The following ARNT2 variants were observed in gnomAD, a reference collection of about 807,000 sequenced individuals.
The protein encoded by ARNT2 is aryl hydrocarbon receptor nuclear translocator 2.
A neutral mutation model predicts 91.7 loss-of-function variants in ARNT2; 36 were observed. That is an observed-to-expected ratio of 0.39 (90% CI 0.30 to 0.52). The LOEUF is 0.52. ARNT2 is among the 20% of genes least tolerant of loss of function. The pLI is 0.72. For missense variants in ARNT2, 775 were observed against 939.3 expected (o/e 0.83, Z 2.29); for synonymous variants, 365 against 347.1 (o/e 1.05, Z -0.57).
At chr15:80,431,293 G>A (rs1211343356) in intron 1 of ARNT2, among the ~76,000 whole-genome samples, 8 of 152,166 alleles carry the variant, frequency 5.3e-5, no homozygotes, top group East Asian at 1.9e-4. Context: ...CACTGGGACC[G>A]TGGCAGTGGG....
At chr15:80,498,136 C>G (rs913249142) in intron 5 of ARNT2, among the ~76,000 whole-genome samples, 7 of 152,190 alleles carry the variant, frequency 4.6e-5, no homozygotes, top group African/African-American at 1.7e-4. Context: ...CTCCCTGTTA[C>G]TAAACTGGAA....
chr15:80,580,665 C>T lies in ARNT2; in HGVS notation c.1752+116C>T, dbSNP rs1185818910. 6 of 1,367,298 alleles carry T rather than the reference C, an allele frequency of 4.4e-6. No individual in the cohort carries two copies. The Admixed American group carries it at 1.0e-4, about 23-fold the overall frequency. The allele number at this position is 1,367,298 out of a possible 1,614,324, so 84.7% of individuals were successfully genotyped here. On this transcript the variant is annotated intron_variant, in intron 16 of 18. Coordinates refer to ENST00000303329, the MANE Select transcript of ARNT2 (RefSeq NM_014862.4). ...GGGTCGGCTCCTAGCTGGAACCAAC[C>T]ACCCTAACAGCAGCTGGCTACTCAG...
chr15:80,499,389 C>CCTCTTCTGTCAAAGAGT (rs1897162165), intron 5 of ARNT2, among the ~76,000 whole-genome samples: 1 of 152,176 alleles, frequency 6.6e-6, no homozygotes, highest in African/African-American at 2.4e-5. Flanking sequence ...AGAGTTAATT[C>CCTCTTCTGTCAAAGAGT]CCTTGTCCTT....
At chr15:80,472,773 A>G (rs1896748971) in intron 4 of ARNT2, among the ~76,000 whole-genome samples, 1 of 152,238 alleles carries the variant, frequency 6.6e-6, no homozygotes. Flanking sequence ...ACTGTTTAAC[A>G]TGGGCCTGAG....
At position 80,509,493 on chromosome 15, in the gene ARNT2, C is replaced by T. The variant is rs146899131; in HGVS notation, c.725+1235C>T. On this transcript the variant is annotated intron_variant, in intron 6 of 18. Transcript: ENST00000303329. ...AATAATAATAATAAAGCAAACAAAA[C>T]CCCTGCCTGCATAGAATTCATTTTA... 1.6e-3 allele frequency among the ~76,000 whole-genome samples: 238 copies of T among 151,876 alleles called. 3 individuals are homozygous for T. The East Asian group carries it at 0.02, about 13-fold the overall frequency.
intron 1 of ARNT2, among the ~76,000 whole-genome samples, chr15:80,407,429 C>T (rs544458598): frequency 6.6e-6 from 1 of 152,150 alleles, no homozygotes; most frequent in Non-Finnish European, 1.5e-5. Flanking sequence ...TCAAGGTCCC[C>T]TGTTGGGGTT....
intron 1 of ARNT2, among the ~76,000 whole-genome samples, chr15:80,435,752 A>C (rs1049138533): frequency 2.6e-5 from 4 of 152,198 alleles, no homozygotes; most frequent in Non-Finnish European, 5.9e-5. Context: ...TTTGCACCTG[A>C]ATAATTGAGA....
intron 1 of ARNT2, among the ~76,000 whole-genome samples, chr15:80,419,910 G>T (rs920431220): frequency 6.6e-6 from 1 of 152,208 alleles, no homozygotes; most frequent in Non-Finnish European, 1.5e-5. Context: ...TCACCAGAGG[G>T]TCTTAGGATA....
chr15:80,570,286 A>T (rs1898562192), intron 12 of ARNT2, among the ~76,000 whole-genome samples: 1 of 152,138 alleles, frequency 6.6e-6, no homozygotes, highest in Non-Finnish European at 1.5e-5. Context: ...CCCATAGTTC[A>T]CACCCTGGAC....
chr15:80,584,265 C>A (rs1898851730), intron 17 of ARNT2, among the ~76,000 whole-genome samples: 1 of 152,132 alleles, frequency 6.6e-6, no homozygotes, highest in Non-Finnish European at 1.5e-5. Context: ...GGGTTCACAT[C>A]AGAGGTGTAG....
chr15:80,506,780 C>T (rs1897281310), intron 5 of ARNT2, among the ~76,000 whole-genome samples: 1 of 152,182 alleles, frequency 6.6e-6, no homozygotes, highest in African/African-American at 2.4e-5. Flanking sequence ...GGCCAAGGCC[C>T]AGCCCTGAGA....
rs1893385701 is a variant in ARNT2, at chr15:80,597,091, T to A, written c.*3393T>A. On this transcript the variant is annotated 3_prime_UTR_variant, in exon 19 of 19. Coordinates refer to ENST00000303329, the MANE Select transcript of ARNT2 (RefSeq NM_014862.4). Reference sequence around the variant, plus strand: ...TGTTAAGGAACTTACACTGGGGAGCTTTACTCTTCCGTGTCAACAATGTGA... The same window carrying A: ...TGTTAAGGAACTTACACTGGGGAGCATTACTCTTCCGTGTCAACAATGTGA... 1 of 514,282 alleles carries A rather than the reference T, an allele frequency of 1.9e-6. No individual in the cohort carries two copies. The highest frequency in any genetic ancestry group is 3.9e-6 in the Non-Finnish European group (1 of 257,032). The allele number at this position is 514,282 out of a possible 1,614,324, so 31.9% of individuals were successfully genotyped here.
At chr15:80,554,181 G>T (rs1440179921) in intron 10 of ARNT2, among the ~76,000 whole-genome samples, 1 of 152,230 alleles carries the variant, frequency 6.6e-6, no homozygotes, top group African/African-American at 2.4e-5. Context: ...GGCCAAGGCA[G>T]GTGGATCACT....
chr15:80,581,381 T>A lies in ARNT2; in HGVS notation c.1895T>A (p.Leu632His), dbSNP rs752647199. Residue 632 changes from leucine (L) to histidine (H), a missense_variant, in exon 17 of 19, where the codon CTT (leucine) becomes CAT (histidine). Physicochemically the swap from Leu to His is moderately conservative, Grantham distance 99. Coordinates refer to ENST00000303329, the MANE Select transcript of ARNT2 (RefSeq NM_014862.4). Reference sequence around the variant, plus strand: ...CCAAGTGGGAATGCCTACTCCAGTCTTGCCAACAGGACTCCAGGGTTCGGT... The same window carrying A: ...CCAAGTGGGAATGCCTACTCCAGTCATGCCAACAGGACTCCAGGGTTCGGT... ...SSPSGNAYSS[L>H]ANRTPGFAES... The A allele has an allele frequency of 2.5e-6, 4 of 1,614,006 alleles. No individual in the cohort carries two copies. The African/African-American group carries it at 5.3e-5, about 22-fold the overall frequency.
At chr15:80,573,638 C>A (rs1392263565) in intron 12 of ARNT2, among the ~76,000 whole-genome samples, 1 of 152,168 alleles carries the variant, frequency 6.6e-6, no homozygotes, top group Non-Finnish European at 1.5e-5. Context: ...CAGGTCAGAC[C>A]CTGGCTCTGT....
chr15:80,517,300 G>T (rs935308758), intron 8 of ARNT2, among the ~76,000 whole-genome samples: 1 of 152,130 alleles, frequency 6.6e-6, no homozygotes, highest in Non-Finnish European at 1.5e-5. Flanking sequence ...GGTTTCTGAA[G>T]AGAAGTCCAC....
intron 1 of ARNT2, among the ~76,000 whole-genome samples, chr15:80,411,286 G>C (rs1174857556): frequency 1.3e-5 from 2 of 152,214 alleles, no homozygotes; most frequent in African/African-American, 4.8e-5. Flanking sequence ...TGTGAGGGCA[G>C]GGAATGTATC....
At chr15:80,444,311 C>T (rs1896248758) in intron 1 of ARNT2, 1 of 154,412 alleles carries the variant, frequency 6.5e-6, no homozygotes, top group South Asian at 2.1e-4. Flanking sequence ...AAGTTGTTCC[C>T]TGTCAGGTCT....
intron 8 of ARNT2, among the ~76,000 whole-genome samples, chr15:80,540,746 T>C (rs1480527797): frequency 2.6e-5 from 4 of 152,190 alleles, no homozygotes; most frequent in African/African-American, 9.7e-5. Flanking sequence ...GAACATGTGG[T>C]ATTTGGCTCT....
Sources: gnomAD v4.1 joint callset for allele counts (sites outside exome capture counted in the v4.1 genomes callset) on GRCh38, gnomAD v4.1.1 for gene constraint, MANE v1.5 for transcripts, NCBI Gene and HGNC (gene_info 2026-07-23, HGNC 2026-07-21) for gene names.